MYO6: variants seen among roughly 807,000 people sequenced by gnomAD.
MYO6 encodes the protein unconventional myosin-VI.
MYO6 carries 74 observed loss-of-function variants against 178.7 expected under a neutral mutation model. The observed-to-expected ratio is 0.41, with a 90% CI of 0.34 to 0.50. MYO6 has a LOEUF of 0.50. Ranked by LOEUF, MYO6 falls within the 20% of genes least tolerant of loss-of-function variation. MYO6 has a pLI of 0.09. For synonymous variants in MYO6, 477 were observed against 504.6 expected (o/e 0.95, Z 0.73); for missense variants, 1,330 against 1,547.4 (o/e 0.86, Z 2.36).
intron 1 of MYO6, among the ~76,000 whole-genome samples, chr6:75,753,915 G>A (rs1283312284): frequency 6.6e-6 from 1 of 152,100 alleles, no homozygotes; most frequent in Non-Finnish European, 1.5e-5. Context: ...TTATTGATTA[G>A]TGTAAGAATG....
intron 7 of MYO6, among the ~76,000 whole-genome samples, chr6:75,836,960 C>G (rs1362579325): frequency 6.6e-6 from 1 of 152,194 alleles, no homozygotes; most frequent in African/African-American, 2.4e-5. Context: ...CATAACATCA[C>G]CCACAGTGCT....
chr6:75,810,083 CAAAAAA>C (rs60265510), intron 1 of MYO6, among the ~76,000 whole-genome samples: 3 of 76,996 alleles, frequency 3.9e-5, no homozygotes, highest in East Asian at 3.0e-4. Context: ...GACTCTGTCT[CAAAAAA>C]AAAAAAAAAA....
chr6:75,753,193 A>G (rs1777042767), intron 1 of MYO6, among the ~76,000 whole-genome samples: 1 of 152,100 alleles, frequency 6.6e-6, no homozygotes, highest in African/African-American at 2.4e-5. Context: ...GCAAGGTAGG[A>G]AGGCTGAGTT....
Position 75,840,577 on chromosome 6 carries a change from C to T in MYO6, c.554-8C>T, listed in dbSNP as rs767688171. ...AATTTTTTGATGGATTTTTTTGTTT[C>T]TCAATAGCTAACCCACTCCTAGAAG... On this transcript the variant is annotated splice_region_variant and splice_polypyrimidine_tract_variant and intron_variant, in intron 7 of 34. Coordinates refer to ENST00000369977, the MANE Select transcript of MYO6 (RefSeq NM_004999.4). 11 of 1,606,850 alleles carry T rather than the reference C, an allele frequency of 6.8e-6. No homozygotes were observed. In the African/African-American group the frequency reaches 1.2e-4, roughly 18 times the overall value.
chr6:75,915,012 G>C lies in MYO6; in HGVS notation c.3858G>C (p.Ter1286TyrextTer16). Reference sequence around the variant, plus strand: ...CCATGCTGCAGAGTCTGTTAAAGTAGATGTTGCACACCAGCCTTACAGCTG... The same window carrying C: ...CCATGCTGCAGAGTCTGTTAAAGTACATGTTGCACACCAGCCTTACAGCTG... ...ATAMLQSLLK* is the reference protein window; with the variant it reads ...ATAMLQSLLKY Residue 1286 changes from the stop codon to tyrosine, a stop_lost, in exon 35 of 35, where the codon TAG (stop) becomes TAC (tyrosine). Transcript: ENST00000369977. 1 of 1,611,556 alleles carries C rather than the reference G, an allele frequency of 6.2e-7. No individual in the cohort carries two copies. The highest frequency in any genetic ancestry group is 8.5e-7 in the Non-Finnish European group (1 of 1,179,280).
chr6:75,899,034 GT>G (rs2149389424), intron 30 of MYO6, among the ~76,000 whole-genome samples: 1 of 152,212 alleles, frequency 6.6e-6, no homozygotes, highest in South Asian at 2.1e-4. Context: ...TTACATGATT[GT>G]CTTTATAGCA....
At chr6:75,793,415 C>G (rs1162642700) in intron 1 of MYO6, among the ~76,000 whole-genome samples, 1 of 151,946 alleles carries the variant, frequency 6.6e-6, no homozygotes, top group East Asian at 1.9e-4. Flanking sequence ...ATCAGCCTGG[C>G]CAACATGGTG....
chr6:75,781,341 C>T (rs1766961255), intron 1 of MYO6, among the ~76,000 whole-genome samples: 1 of 152,052 alleles, frequency 6.6e-6, no homozygotes, highest in African/African-American at 2.4e-5. Flanking sequence ...AAATGCAATA[C>T]AGGAAGAATA....
At chr6:75,828,891 T>C (rs1416431646) in intron 4 of MYO6, among the ~76,000 whole-genome samples, 2 of 152,140 alleles carry the variant, frequency 1.3e-5, no homozygotes, top group Non-Finnish European at 2.9e-5. Context: ...GACTTAAAAA[T>C]GTCCAGTTTG....
rs1217015601 is a variant in MYO6, at chr6:75,841,290, G to T, written c.728G>T (p.Arg243Ile). ...SRICVQGKEE[R>I]NYHIFYRLCA... ...ATCTGTGTTCAAGGCAAAGAGGAAA[G>T]AAATTATCATATCTTTTATAGGTTG... The change falls in exon 9 of 35, where the codon AGA becomes ATA. Residue 243 changes from arginine (R) to isoleucine (I), a missense_variant. Physicochemically the swap from Arg to Ile is moderately conservative, Grantham distance 97. This residue lies in a region of MYO6 where 613 missense variants were observed against 816.8 expected (regional missense o/e 0.75). Coordinates refer to ENST00000369977, the MANE Select transcript of MYO6 (RefSeq NM_004999.4). The T allele has an allele frequency of 6.2e-7, 1 of 1,613,966 alleles. No homozygotes were observed. The highest frequency in any genetic ancestry group is 8.5e-7 in the Non-Finnish European group (1 of 1,179,908).
chr6:75,834,354 TC>T (rs969717990), intron 6 of MYO6, among the ~76,000 whole-genome samples: 7 of 152,042 alleles, frequency 4.6e-5, no homozygotes, highest in Non-Finnish European at 1.0e-4. Context: ...TACCTCAGCC[TC>T]CCAAGTAACT....
At chr6:75,897,862 C>G (rs1342251136) in intron 29 of MYO6, among the ~76,000 whole-genome samples, 1 of 152,268 alleles carries the variant, frequency 6.6e-6, no homozygotes, top group Non-Finnish European at 1.5e-5. Context: ...TTTTGATATT[C>G]TTTTTCTTAA....
intron 32 of MYO6, 99 bp downstream of exon 32, chr6:75,908,726 C>T (rs1196121798): frequency 7.4e-7 from 1 of 1,352,500 alleles, no homozygotes; most frequent in Non-Finnish European, 1.0e-6. Context: ...TATAAATTTT[C>T]TCCTATTTTA....
intron 27 of MYO6, 46 bp downstream of exon 27, chr6:75,891,352 G>T (rs1318236350): frequency 6.9e-7 from 1 of 1,450,644 alleles, no homozygotes; most frequent in Non-Finnish European, 9.5e-7. Context: ...GAACCTACAG[G>T]CTGGGTGTGG....
At chr6:75,801,858 T>C (rs1328606098) in intron 1 of MYO6, among the ~76,000 whole-genome samples, 1 of 151,882 alleles carries the variant, frequency 6.6e-6, no homozygotes, top group Non-Finnish European at 1.5e-5. Context: ...GGAGAATCAC[T>C]TGAACCTGGA....
At chr6:75,788,594 A>G (rs1193114223) in intron 1 of MYO6, among the ~76,000 whole-genome samples, 1 of 152,172 alleles carries the variant, frequency 6.6e-6, no homozygotes, top group Non-Finnish European at 1.5e-5. Context: ...ATGTAATGTA[A>G]TACCAGCTAA....
chr6:75,905,725 G>A (rs1007323691), intron 30 of MYO6, among the ~76,000 whole-genome samples: 4 of 152,178 alleles, frequency 2.6e-5, no homozygotes, highest in South Asian at 2.1e-4. Flanking sequence ...GTTCCTATTC[G>A]GCCATCTTGG....
In MYO6 at chr6:75,892,510, TA is replaced by T; in HGVS notation, c.2947-19del. ...AACAAGTGAAGAACTCTTGGTGAAATAGCTTTCTGCCCTTGTCAGGCTGAAG... is the reference window on the plus strand; with the variant it reads ...AACAAGTGAAGAACTCTTGGTGAAATGCTTTCTGCCCTTGTCAGGCTGAAG... On this transcript the variant is annotated intron_variant, in intron 27 of 34. Coordinates refer to ENST00000369977, the MANE Select transcript of MYO6 (RefSeq NM_004999.4). The T allele has an allele frequency of 1.2e-6, 2 of 1,613,924 alleles. No homozygotes were observed. Among genetic ancestry groups the T allele is most frequent in the East Asian group, 4.5e-5 (2 of 44,884 alleles).
chr6:75,820,224 C>T (rs1290301071), intron 2 of MYO6, among the ~76,000 whole-genome samples: 2 of 152,152 alleles, frequency 1.3e-5, no homozygotes, highest in East Asian at 1.9e-4. Flanking sequence ...CAAGTCTCCC[C>T]TTCATACTCT....
Sources: allele counts gnomAD v4.1 joint callset (sites outside exome capture counted in the v4.1 genomes callset), GRCh38; gene constraint gnomAD v4.1.1; regional missense constraint gnomAD v4.1.1; transcripts MANE v1.5; gene names NCBI Gene and HGNC (gene_info 2026-07-23, HGNC 2026-07-21).